MGAT5: variants seen among roughly 807,000 people sequenced by gnomAD.
MGAT5 encodes alpha-1,6-mannosylglycoprotein 6-beta-N-acetylglucosaminyltransferase A.
In MGAT5, 30 loss-of-function variants were observed where a neutral mutation model predicts 94.3. The ratio of observed to expected loss-of-function variants is 0.32; its 90% confidence interval spans 0.24 to 0.43. MGAT5 has a LOEUF of 0.43. MGAT5 is among the 20% of genes least tolerant of loss of function. MGAT5 has a pLI of 1.00. For synonymous variants in MGAT5, 310 were observed against 322.9 expected (o/e 0.96, Z 0.43); for missense variants, 691 against 905.5 (o/e 0.76, Z 3.04).
intron 1 of MGAT5, among the ~76,000 whole-genome samples, chr2:134,149,288 T>C (rs1244916305): frequency 6.6e-6 from 1 of 152,214 alleles, no homozygotes; most frequent in Non-Finnish European, 1.5e-5. Context: ...TTGTGCAATG[T>C]ACAAGATCAG....
At chr2:134,236,113 A>T (rs565044806) in intron 1 of MGAT5, among the ~76,000 whole-genome samples, 1 of 152,168 alleles carries the variant, frequency 6.6e-6, no homozygotes, top group African/African-American at 2.4e-5. Context: ...TACAAAACCA[A>T]AGTTTTGAGA....
upstream of MGAT5, among the ~76,000 whole-genome samples, chr2:134,250,264 A>C (rs551987279): frequency 2.0e-5 from 3 of 152,234 alleles, no homozygotes; most frequent in African/African-American, 7.2e-5. Context: ...AGTCACGGCC[A>C]TGAGCTGACA....
At chr2:134,235,011 G>A (rs1022845194) in intron 1 of MGAT5, among the ~76,000 whole-genome samples, 4 of 151,906 alleles carry the variant, frequency 2.6e-5, no homozygotes, top group African/African-American at 7.3e-5. Flanking sequence ...ATCTAAATTA[G>A]CACCAGCATT....
chr2:134,336,131 G>A, intron 4 of MGAT5, 86 bp from the exon 5 acceptor site: 2 of 1,026,342 alleles, frequency 1.9e-6, no homozygotes, highest in Non-Finnish European at 1.5e-6. Flanking sequence ...TGCTAGTTGT[G>A]TGCCAGGAGC....
rs189615963 is a variant in MGAT5 at position 134,348,619 on chromosome 2, G to C, written c.1113-1186G>C. On this transcript the variant is annotated intron_variant, in intron 8 of 15. Coordinates refer to ENST00000281923, the MANE Select transcript of MGAT5 (RefSeq NM_002410.5). Reference sequence around the variant, plus strand: ...CTGATAGTAGGAAAAAACTGAGCCAGATTTTTAGAAGTCATTGCCATCATC... The same window carrying C: ...CTGATAGTAGGAAAAAACTGAGCCACATTTTTAGAAGTCATTGCCATCATC... Among the ~76,000 whole-genome samples, 90 of 152,292 alleles carry C rather than the reference G, an allele frequency of 5.9e-4. 1 individual carries two copies. In the East Asian group the frequency reaches 0.017, roughly 28 times the overall value.
intron 4 of MGAT5, among the ~76,000 whole-genome samples, chr2:134,320,396 G>T (rs1054266934): frequency 1.3e-5 from 2 of 151,514 alleles, no homozygotes; most frequent in Non-Finnish European, 2.9e-5. Context: ...CGGTTGCAGA[G>T]AACTTTATGG....
intron 1 of MGAT5, among the ~76,000 whole-genome samples, chr2:134,202,937 G>A (rs1312578339): frequency 6.6e-6 from 1 of 152,124 alleles, no homozygotes; most frequent in Non-Finnish European, 1.5e-5. Flanking sequence ...GTAAATGCGT[G>A]GGCCCACCTG....
At chr2:134,278,372 C>T (rs1684504645) in intron 2 of MGAT5, among the ~76,000 whole-genome samples, 1 of 152,186 alleles carries the variant, frequency 6.6e-6, no homozygotes, top group Non-Finnish European at 1.5e-5. Flanking sequence ...GGCTGTGCTG[C>T]TTTCCAGGAA....
At chr2:134,393,864 AC>A (rs1260433573) in intron 10 of MGAT5, among the ~76,000 whole-genome samples, 1 of 49,392 alleles carries the variant, frequency 2.0e-5, no homozygotes, top group African/African-American at 8.1e-5. Flanking sequence ...CACCCCCACC[AC>A]CTGCTGCTTT....
chr2:134,274,512 C>T (rs1266244273), intron 2 of MGAT5, among the ~76,000 whole-genome samples: 1 of 152,146 alleles, frequency 6.6e-6, no homozygotes, highest in African/African-American at 2.4e-5. Flanking sequence ...GTGATAGTTA[C>T]AATCCTAGAT....
chr2:134,376,513 A>G (rs1681182668), intron 10 of MGAT5, among the ~76,000 whole-genome samples: 1 of 152,226 alleles, frequency 6.6e-6, no homozygotes, highest in Non-Finnish European at 1.5e-5. Context: ...GTAAGTAACA[A>G]CTTGAAGGAG....
At chr2:134,283,787 G>T (rs1684848851) in intron 2 of MGAT5, among the ~76,000 whole-genome samples, 1 of 151,246 alleles carries the variant, frequency 6.6e-6, no homozygotes, top group African/African-American at 2.4e-5. Context: ...ACTTAAGCTG[G>T]GTCCTGTTCT....
At chr2:134,391,495 T>C (rs964386610) in intron 10 of MGAT5, among the ~76,000 whole-genome samples, 1 of 152,224 alleles carries the variant, frequency 6.6e-6, no homozygotes, top group Non-Finnish European at 1.5e-5. Context: ...GGTTGGGTTC[T>C]GGTGAGGGCC....
intron 1 of MGAT5, among the ~76,000 whole-genome samples, chr2:134,147,856 A>G (rs1334742450): frequency 6.6e-6 from 1 of 152,132 alleles, no homozygotes; most frequent in Non-Finnish European, 1.5e-5. Context: ...GAAATTTGGC[A>G]TTTTCTTCCA....
intron 2 of MGAT5, among the ~76,000 whole-genome samples, chr2:134,287,301 A>G (rs947372519): frequency 2.0e-5 from 3 of 152,192 alleles, no homozygotes; most frequent in Non-Finnish European, 4.4e-5. Flanking sequence ...CAAAAATCCT[A>G]TTCTTGCTCT....
intron 2 of MGAT5, among the ~76,000 whole-genome samples, chr2:134,273,904 C>G (rs1684186624): frequency 6.6e-6 from 1 of 152,170 alleles, no homozygotes; most frequent in South Asian, 2.1e-4. Flanking sequence ...ACCCTTCCAC[C>G]AATCACACAG....
chr2:134,161,935 A>G (rs770778899), intron 1 of MGAT5, among the ~76,000 whole-genome samples: 1 of 152,064 alleles, frequency 6.6e-6, no homozygotes, highest in Non-Finnish European at 1.5e-5. Context: ...TCATGACTGT[A>G]ATCCCTGCAC....
chr2:134,425,544 C>T (rs1684531068), intron 13 of MGAT5, among the ~76,000 whole-genome samples: 2 of 152,092 alleles, frequency 1.3e-5, no homozygotes, highest in Admixed American at 6.6e-5. Context: ...ATTACAGATT[C>T]TGCTTACTCA....
rs141941040 is a variant in MGAT5 at position 134,241,743 on chromosome 2, C to T, written c.-142-12519C>T. ...ACACTGAGAAATGACTGAAAAGTTC[C>T]TAAGGGGTGGGAGTGTGAGTGTGTA... On this transcript the variant is annotated intron_variant, in intron 1 of 16. Transcript: ENST00000409645. 1.4e-4 allele frequency among the ~76,000 whole-genome samples: 21 copies of T among 152,112 alleles called. 1 individual carries two copies. The highest frequency in any genetic ancestry group is 4.6e-4 in the African/African-American group (19 of 41,506).
Sources: gnomAD v4.1 joint callset for allele counts (sites outside exome capture counted in the v4.1 genomes callset) on GRCh38, gnomAD v4.1.1 for gene constraint, MANE v1.5 for transcripts, NCBI Gene and HGNC (gene_info 2026-07-23, HGNC 2026-07-21) for gene names.